DNM1L: variants seen among roughly 807,000 people sequenced by gnomAD.
DNM1L encodes the protein dynamin-1-like protein.
Under a neutral mutation model 92.8 loss-of-function variants are expected in DNM1L, and 33 were observed. The ratio of observed to expected loss-of-function variants is 0.36; its 90% CI spans 0.27 to 0.48. The LOEUF (loss-of-function observed/expected upper bound fraction) is 0.48. DNM1L is among the 20% of genes least tolerant of loss of function. The pLI is 0.99. For missense variants in DNM1L, 485 were observed against 888.8 expected, an observed-to-expected ratio of 0.55 and a Z score of 5.78; for synonymous variants, 284 against 305.0, an observed-to-expected ratio of 0.93 and a Z score of 0.72.
At chr12:32,701,698 C>A in intron 2 of DNM1L, 136 bp downstream of exon 2, 2 of 794,214 alleles carry the variant, frequency 2.5e-6, no homozygotes, top group Non-Finnish European at 4.1e-6. Flanking sequence ...TAGTATGCAT[C>A]TTTCTTAATG....
Position 32,743,675 on chromosome 12 carries a change from TAAAAAC to T in DNM1L, c.*268_*273del. 1 of 473,938 alleles carries T rather than the reference TAAAAAC, an allele frequency of 2.1e-6. No individual in the cohort carries two copies. The highest frequency in any genetic ancestry group is 3.5e-5 in the Admixed American group (1 of 28,910). 29.4% of individuals were successfully genotyped at this position (473,938 alleles called of 1,614,324 possible). On this transcript the variant is annotated 3_prime_UTR_variant, in exon 20 of 20. Coordinates refer to ENST00000549701, the MANE Select transcript of DNM1L (RefSeq NM_012062.5). ...GTGACAGTTTCATCTGAACTTAACT[TAAAAAC>T]AACTGTTAATGTTCTAGTTGTGCAA...
chr12:32,679,529 GCAGTGCCCACTCCCGCGC>G (rs1951720245), intron 1 of DNM1L, 64 bp downstream of exon 1: 31 of 1,523,016 alleles, frequency 2.0e-5, no homozygotes, highest in Non-Finnish European at 2.5e-5. Context: ...CGGTGCTGCG[GCAGTGCCCACTCCCGCGC>G]CAGCGCCCAC....
intron 18 of DNM1L, among the ~76,000 whole-genome samples, chr12:32,740,913 A>AT (rs1173702503): frequency 6.6e-6 from 1 of 152,054 alleles, no homozygotes; most frequent in African/African-American, 2.4e-5. Context: ...AAATATGTGT[A>AT]TTTTTTCTCG....
At chr12:32,681,376 C>T (rs968615763) in intron 1 of DNM1L, among the ~76,000 whole-genome samples, 1 of 152,134 alleles carries the variant, frequency 6.6e-6, no homozygotes, top group Non-Finnish European at 1.5e-5. Context: ...CGTGGGGAAA[C>T]TCCATCTTTA....
At chr12:32,710,174 G>A (rs999087030) in intron 4 of DNM1L, among the ~76,000 whole-genome samples, 4 of 152,262 alleles carry the variant, frequency 2.6e-5, no homozygotes, top group Admixed American at 2.0e-4. Flanking sequence ...GAAAATACAC[G>A]TTACCTCTCA....
chr12:32,694,635 AAT>A lies in DNM1L; in HGVS notation c.103-6777_103-6776del, dbSNP rs1405037461. On this transcript the variant is annotated intron_variant, in intron 1 of 19. Coordinates refer to ENST00000549701, the MANE Select transcript of DNM1L (RefSeq NM_012062.5). ...ACAGCAGTGGTAGAATAGTTTCCTA[AAT>A]ATCTATATGACTTTCCCCTAAAACA... is the stretch of plus-strand genomic sequence containing the variant. Among the ~76,000 whole-genome samples the A allele has an allele frequency of 1.2e-4, 18 of 152,314 alleles. No homozygotes were observed. The East Asian group carries it at 3.1e-3, about 26-fold the overall frequency.
intron 1 of DNM1L, among the ~76,000 whole-genome samples, chr12:32,688,172 A>G (rs7304851): frequency 0.15 from 23,387 of 152,030 alleles, 1,891 homozygotes; most frequent in Middle Eastern, 0.21. Flanking sequence ...TGATCTGCCC[A>G]CCTTGGCCTC....
At chr12:32,702,454 C>G (rs1185941957) in intron 2 of DNM1L, among the ~76,000 whole-genome samples, 1 of 152,052 alleles carries the variant, frequency 6.6e-6, no homozygotes, top group Admixed American at 6.6e-5. Flanking sequence ...GTATTTGGCT[C>G]AGACTTTCTT....
intron 9 of DNM1L, chr12:32,725,188 C>T (rs1164997347): frequency 6.6e-6 from 1 of 152,026 alleles, no homozygotes; most frequent in Non-Finnish European, 1.5e-5. Flanking sequence ...TTAATTCAAG[C>T]TAGGCCTCTC....
At chr12:32,710,677 ATG>A (rs1953092496) in intron 4 of DNM1L, among the ~76,000 whole-genome samples, 1 of 152,138 alleles carries the variant, frequency 6.6e-6, no homozygotes, top group African/African-American at 2.4e-5. Flanking sequence ...AGAGAAAAGA[ATG>A]TAAAATAATA....
At chr12:32,691,498 C>G (rs571413959) in intron 1 of DNM1L, among the ~76,000 whole-genome samples, 1 of 152,260 alleles carries the variant, frequency 6.6e-6, no homozygotes, top group South Asian at 2.1e-4. Context: ...CCGCCTTGGC[C>G]TCCTGAAGTG....
chr12:32,698,072 A>G (rs968818853), intron 1 of DNM1L, among the ~76,000 whole-genome samples: 2 of 152,180 alleles, frequency 1.3e-5, no homozygotes, highest in Non-Finnish European at 2.9e-5. Context: ...GTACAGTATC[A>G]GAGTACAGGA....
At chr12:32,740,355 G>C (rs1592689192) in intron 17 of DNM1L, 54 bp from the exon 18 acceptor site, 3 of 1,608,730 alleles carry the variant, frequency 1.9e-6, no homozygotes, top group Non-Finnish European at 2.6e-6. Flanking sequence ...AGATGTTAAA[G>C]CTGCCATTTT....
In DNM1L at chr12:32,744,734, C is replaced by T. The variant is rs754337823; in HGVS notation, c.*1324C>T. On this transcript the variant is annotated 3_prime_UTR_variant, in exon 20 of 20. Transcript: ENST00000549701. The stretch of plus-strand genomic sequence containing the variant: ...GTCTCAAAAAAAAAAAATAAAACAA[C>T]ACCCAGATAGATACACATACTCCTT... The T allele has an allele frequency of 5.4e-6, 2 of 370,002 alleles. No homozygotes were observed. The highest frequency in any genetic ancestry group is 5.2e-6 in the Non-Finnish European group (1 of 193,314). The allele number at this position is 370,002 out of a possible 1,614,324, so 22.9% of individuals were successfully genotyped here. A position where few individuals can be genotyped will look rare whatever the true frequency, so the allele number is the denominator to read the frequency against.
Position 32,705,910 on chromosome 12 carries a change from G to T in DNM1L, c.251-1457G>T, listed in dbSNP as rs186080901. 1.6e-3 allele frequency: 2,414 copies of T among 1,548,688 alleles called. 5 individuals are homozygous for T. Among genetic ancestry groups the T allele is most frequent in the Non-Finnish European group, 1.7e-3 (1,983 of 1,136,332 alleles). On this transcript the variant is annotated intron_variant, in intron 2 of 19. Coordinates refer to ENST00000549701, the MANE Select transcript of DNM1L (RefSeq NM_012062.5). ...TTGACCCTTTTTTTCTCTTATGCCT[G>T]CATGTGTGCTTATGTACTATTACAG...
intron 5 of DNM1L, chr12:32,711,356 C>G (rs1370917746): frequency 3.5e-6 from 1 of 281,706 alleles, no homozygotes; most frequent in Non-Finnish European, 6.9e-6. Flanking sequence ...GATTTTATGG[C>G]TTTAACTACG....
At chr12:32,704,068 AAGCTTTCCTC>A (rs1182467008) in intron 2 of DNM1L, among the ~76,000 whole-genome samples, 2 of 152,168 alleles carry the variant, frequency 1.3e-5, no homozygotes, top group African/African-American at 2.4e-5. Context: ...GAAATAAATC[AAGCTTTCCTC>A]AGCTTTCCTT....
intron 1 of DNM1L, among the ~76,000 whole-genome samples, chr12:32,699,180 G>A (rs528330936): frequency 2.7e-4 from 41 of 152,268 alleles, no homozygotes; most frequent in African/African-American, 9.4e-4. Context: ...GTCTTTGTGT[G>A]TACATGTAAG....
intron 9 of DNM1L, among the ~76,000 whole-genome samples, chr12:32,730,563 G>A (rs1954489336): frequency 6.6e-6 from 1 of 152,196 alleles, no homozygotes; most frequent in Non-Finnish European, 1.5e-5. Context: ...CTGCTTATGT[G>A]CTTAATGGTA....
Sources: gnomAD v4.1 joint callset for allele counts (sites outside exome capture counted in the v4.1 genomes callset) on GRCh38, gnomAD v4.1.1 for gene constraint, MANE v1.5 for transcripts, NCBI Gene and HGNC (gene_info 2026-07-23, HGNC 2026-07-21) for gene names.